Variants in TANGO6 observed in about 807,000 individuals in gnomAD.
TANGO6 encodes transport and golgi organization 6 homolog.
TANGO6 carries 90 observed loss-of-function variants against 114.2 expected under a neutral mutation model. The observed-to-expected ratio is 0.79, with a 90% CI of 0.66 to 0.94. The LOEUF (loss-of-function observed/expected upper bound fraction) is 0.94, where lower values mean the gene tolerates loss of function less well. Among genes scored for constraint, TANGO6 ranks in the 40% least tolerant of loss-of-function variants. The probability of loss-of-function intolerance (pLI) is 0.00; values close to 1 mark genes in which losing one functional copy is unlikely to be tolerated. For missense variants in TANGO6, 1,274 were observed against 1,315.3 expected (o/e 0.97, Z 0.49); for synonymous variants, 477 against 509.8 (o/e 0.94, Z 0.87).
chr16:69,033,669 A>G (rs920462677), intron 16 of TANGO6: 1 of 152,272 alleles, frequency 6.6e-6, no homozygotes, highest in African/African-American at 2.4e-5. Context: ...GGATAACGCC[A>G]ATGTGGCGGG....
chr16:68,844,704 G>A (rs1961776424), intron 1 of TANGO6, among the ~76,000 whole-genome samples: 2 of 152,082 alleles, frequency 1.3e-5, no homozygotes, highest in South Asian at 4.1e-4. Flanking sequence ...CCCCATAGTA[G>A]GCTGTTGACA....
At chr16:68,861,483 G>C (rs753027547) in intron 2 of TANGO6, among the ~76,000 whole-genome samples, 2 of 152,156 alleles carry the variant, frequency 1.3e-5, no homozygotes, top group Non-Finnish European at 2.9e-5. Context: ...TATGTGATAG[G>C]AGCAGAGTGC....
At chr16:68,890,947 C>T (rs1799538720) in intron 7 of TANGO6, among the ~76,000 whole-genome samples, 2 of 151,838 alleles carry the variant, frequency 1.3e-5, no homozygotes, top group South Asian at 4.2e-4. Context: ...ATTACTTGAA[C>T]TTGGGAGGCG....
chr16:69,028,992 A>AC (rs1443382680), intron 16 of TANGO6, among the ~76,000 whole-genome samples: 1 of 152,208 alleles, frequency 6.6e-6, no homozygotes, highest in Non-Finnish European at 1.5e-5. Context: ...CCTGAACAAT[A>AC]CCTGAATATC....
intron 14 of TANGO6, 42 bp from the exon 15 acceptor site, chr16:68,973,986 C>A (rs368743351): frequency 6.4e-7 from 1 of 1,562,416 alleles, no homozygotes; most frequent in South Asian, 1.2e-5. Context: ...GCCTTTTGAT[C>A]GTAAACAGTA....
chr16:69,073,059 TAA>T (rs760215435), intron 17 of TANGO6, among the ~76,000 whole-genome samples: 13 of 140,900 alleles, frequency 9.2e-5, no homozygotes, highest in Admixed American at 1.4e-4. Flanking sequence ...AGACCTTCTT[TAA>T]AAAAAAAAAA....
intron 15 of TANGO6, among the ~76,000 whole-genome samples, chr16:68,979,253 G>A (rs935849780): frequency 2.0e-5 from 3 of 151,298 alleles, no homozygotes; most frequent in East Asian, 1.9e-4. Context: ...TTCTTGAGAC[G>A]GAGTCTTGCT....
intron 16 of TANGO6, chr16:69,035,142 T>G (rs952229094): frequency 2.6e-5 from 4 of 152,190 alleles, no homozygotes; most frequent in African/African-American, 9.6e-5. Context: ...GACCTGAATT[T>G]ACTATCAGTT....
chr16:68,961,607 G>A (rs1963591846), intron 14 of TANGO6, among the ~76,000 whole-genome samples: 1 of 152,148 alleles, frequency 6.6e-6, no homozygotes, highest in Non-Finnish European at 1.5e-5. Flanking sequence ...ACTAAATATG[G>A]CTGTCAGTAA....
At chr16:69,004,495 A>G (rs1964074322) in intron 15 of TANGO6, among the ~76,000 whole-genome samples, 1 of 152,090 alleles carries the variant, frequency 6.6e-6, no homozygotes, top group Admixed American at 6.6e-5. Context: ...AGCTAGGATT[A>G]TAGACGCTTG....
chr16:68,968,304 T>C (rs1192843569), intron 14 of TANGO6, among the ~76,000 whole-genome samples: 1 of 151,878 alleles, frequency 6.6e-6, no homozygotes, highest in Non-Finnish European at 1.5e-5. Context: ...GACTTCGTGA[T>C]CCACCCACCT....
chr16:68,930,785 G>A lies in TANGO6; in HGVS notation c.2701+490G>A, dbSNP rs147313641. Reference sequence around the variant, plus strand: ...CAAGTAGCTGGGATTACAGGTGCCCGCCACCACGCCCAGCTAATTTTTTAT... The same window carrying A: ...CAAGTAGCTGGGATTACAGGTGCCCACCACCACGCCCAGCTAATTTTTTAT... On this transcript the variant is annotated intron_variant, in intron 14 of 17. Transcript: ENST00000261778. Among the ~76,000 whole-genome samples the A allele has an allele frequency of 3.1e-3, 477 of 151,834 alleles. 3 individuals carry two copies. The highest frequency in any genetic ancestry group is 0.011 in the African/African-American group (463 of 41,420).
chr16:68,947,561 A>G (rs1353187534), intron 14 of TANGO6, among the ~76,000 whole-genome samples: 1 of 151,762 alleles, frequency 6.6e-6, no homozygotes, highest in Non-Finnish European at 1.5e-5. Flanking sequence ...CTGAAATATA[A>G]TAAGACTAGA....
chr16:69,037,538 C>A (rs138552155), intron 16 of TANGO6, among the ~76,000 whole-genome samples: 143 of 152,324 alleles, frequency 9.4e-4, no homozygotes, highest in Non-Finnish European at 1.5e-3. Flanking sequence ...TAACTTGTTT[C>A]TCTGGTTTCA....
rs527355229 is a variant in TANGO6 at position 68,861,725 on chromosome 16, A to T, written c.735+1201A>T. On this transcript the variant is annotated intron_variant, in intron 2 of 17. Coordinates refer to ENST00000261778, the MANE Select transcript of TANGO6 (RefSeq NM_024562.2). ...AGGGAAAACATGCTGGGTGTACATT[A>T]TGAAGCTGGACAAAGTCCCACCAAT... 4.5e-4 allele frequency among the ~76,000 whole-genome samples: 69 copies of T among 152,340 alleles called. 1 individual carries two copies. In the South Asian group the frequency reaches 5.2e-3, roughly 11 times the overall value.
intron 16 of TANGO6, chr16:69,034,483 GCCTCCATGCAGAGGA>G (rs1959654601): frequency 3.9e-5 from 6 of 154,124 alleles, no homozygotes; most frequent in Admixed American, 3.3e-4. Flanking sequence ...CCACACCAGA[GCCTCCATGCAGAGGA>G]CCCAGGCTCC....
At chr16:69,063,805 C>CTTATTA (rs1263446156) in intron 17 of TANGO6, among the ~76,000 whole-genome samples, 1,325 of 118,306 alleles carry the variant, frequency 0.011, 10 homozygotes, top group Middle Eastern at 0.02. Flanking sequence ...TCTTCTTCTT[C>CTTATTA]TTCTTATTAT....
At chr16:68,953,978 G>A (rs1368896035) in intron 14 of TANGO6, among the ~76,000 whole-genome samples, 1 of 152,106 alleles carries the variant, frequency 6.6e-6, no homozygotes, top group East Asian at 1.9e-4. Flanking sequence ...AGTGGCTCAT[G>A]CCTGTAATCC....
intron 15 of TANGO6, among the ~76,000 whole-genome samples, chr16:68,998,581 A>G (rs757651450): frequency 1.2e-4 from 18 of 152,084 alleles, no homozygotes; most frequent in Non-Finnish European, 2.2e-4. Context: ...AATACAAGAC[A>G]TTAGCCAGAT....
Sources: allele counts gnomAD v4.1 joint callset (sites outside exome capture counted in the v4.1 genomes callset), GRCh38; gene constraint gnomAD v4.1.1; transcripts MANE v1.5; gene names NCBI Gene and HGNC (gene_info 2026-07-23, HGNC 2026-07-21).